The following UEVLD variants were observed in gnomAD, a reference collection of about 807,000 sequenced individuals.
UEVLD encodes ubiquitin-conjugating enzyme E2 variant 3.
In UEVLD, 47 loss-of-function variants were observed where a neutral mutation model predicts 58.6. That is an observed-to-expected ratio of 0.80 (90% confidence interval 0.63 to 1.02). The LOEUF (loss-of-function observed/expected upper bound fraction) is 1.02, where lower values mean the gene tolerates loss of function less well. Among genes scored for constraint, UEVLD ranks in the 50% least tolerant of loss-of-function variants. UEVLD has a pLI of 0.00. For missense variants in UEVLD, 510 were observed against 550.6 expected, an observed-to-expected ratio of 0.93 and a Z score of 0.74; for synonymous variants, 197 against 195.3, an observed-to-expected ratio of 1.01 and a Z score of -0.07.
chr11:18,583,849 C>T (rs1484793218), intron 1 of UEVLD, among the ~76,000 whole-genome samples: 3 of 151,374 alleles, frequency 2.0e-5, no homozygotes, highest in Admixed American at 6.6e-5. Flanking sequence ...TTGGTAGAGA[C>T]GAGGTTTCTC....
At chr11:18,586,319 A>C (rs1220582783) in intron 1 of UEVLD, among the ~76,000 whole-genome samples, 1 of 152,082 alleles carries the variant, frequency 6.6e-6, no homozygotes, top group Non-Finnish European at 1.5e-5. Flanking sequence ...GGTTCAAGTG[A>C]TTCTCCTGCT....
intron 8 of UEVLD, 26 bp from the exon 9 acceptor site, chr11:18,544,822 A>C: frequency 1.3e-6 from 2 of 1,491,954 alleles, no homozygotes; most frequent in Non-Finnish European, 1.8e-6. Context: ...AAGGTAAAAA[A>C]TGTAAAGGTT....
At chr11:18,584,310 G>C (rs1307127377) in intron 1 of UEVLD, among the ~76,000 whole-genome samples, 4 of 152,130 alleles carry the variant, frequency 2.6e-5, no homozygotes, top group Non-Finnish European at 4.4e-5. Flanking sequence ...TTGAGCCCAA[G>C]AGTTTGAGGC....
chr11:18,571,627 C>T (rs1364609450), intron 3 of UEVLD, among the ~76,000 whole-genome samples: 1 of 152,174 alleles, frequency 6.6e-6, no homozygotes, highest in Non-Finnish European at 1.5e-5. Flanking sequence ...GAACTCCTGG[C>T]ACAAAGTCCT....
chr11:18,568,836 A>G (rs1361436926), intron 4 of UEVLD, among the ~76,000 whole-genome samples: 1 of 152,094 alleles, frequency 6.6e-6, no homozygotes, highest in African/African-American at 2.4e-5. Flanking sequence ...CTTTACTCCA[A>G]CCTCACTGGA....
chr11:18,569,628 T>C (rs34585786), intron 4 of UEVLD, among the ~76,000 whole-genome samples: 72,073 of 151,702 alleles, frequency 0.48, 17,525 homozygotes, highest in Non-Finnish European at 0.55. Flanking sequence ...CAGGTAACCA[T>C]TAAAAACCAT....
At chr11:18,585,556 C>T (rs1853504630) in intron 1 of UEVLD, among the ~76,000 whole-genome samples, 1 of 152,162 alleles carries the variant, frequency 6.6e-6, no homozygotes. Context: ...ACCAATGCCA[C>T]ACTAAATTTT....
chr11:18,537,966 C>G (rs748931038), intron 9 of UEVLD, among the ~76,000 whole-genome samples: 1 of 152,154 alleles, frequency 6.6e-6, no homozygotes, highest in Non-Finnish European at 1.5e-5. Flanking sequence ...CCGAACTGCA[C>G]TTTAATATTA....
intron 1 of UEVLD, among the ~76,000 whole-genome samples, chr11:18,586,445 G>A (rs941638384): frequency 2.6e-5 from 4 of 152,088 alleles, no homozygotes; most frequent in Admixed American, 6.6e-5. Flanking sequence ...TCGAACTCCT[G>A]GCCGCAGGTG....
At chr11:18,580,779 C>G (rs1853199339) in intron 1 of UEVLD, among the ~76,000 whole-genome samples, 1 of 151,894 alleles carries the variant, frequency 6.6e-6, no homozygotes, top group Non-Finnish European at 1.5e-5. Context: ...TAGTGGAAAC[C>G]TAGGATTGTG....
chr11:18,550,506 A>G (rs1851479457), intron 7 of UEVLD, among the ~76,000 whole-genome samples: 1 of 151,758 alleles, frequency 6.6e-6, no homozygotes, highest in Admixed American at 6.6e-5. Flanking sequence ...TCATCTTTCC[A>G]CCTCCAAGAT....
chr11:18,551,675 C>G (rs1851536138), intron 7 of UEVLD, among the ~76,000 whole-genome samples: 1 of 152,118 alleles, frequency 6.6e-6, no homozygotes, highest in African/African-American at 2.4e-5. Context: ...GCTAAGTTTC[C>G]TCCCATGCCA....
In UEVLD at chr11:18,532,432, G is replaced by T. The variant is rs373226564; in HGVS notation, c.1304C>A (p.Thr435Asn). 1.9e-6 allele frequency: 3 copies of T among 1,612,974 alleles called. No homozygotes were observed. The highest frequency in any genetic ancestry group is 2.2e-5 in the South Asian group (2 of 90,932). The change falls in exon 12 of 12, where the codon ACC becomes AAC. Residue 435 changes from threonine (T) to asparagine (N), a missense_variant. Transcript: ENST00000396197. ...TTTGATAACTTCAGATACTCCATTG[G>T]TTCCAAGGATGCAAGGCAAACTTAA... The part of the protein sequence containing the change: ...VFLSLPCILG[T>N]NGVSEVIKTT...
rs1319368118 is a variant in UEVLD at position 18,532,416 on chromosome 11, T to C, written c.1320A>G (p.Glu440=). The change falls in exon 12 of 12, where the codon GAA becomes GAG. Residue 440 remains glutamate (E), a synonymous_variant. Transcript: ENST00000396197. Reference sequence around the variant, plus strand: ...CTTCTTTCAGTGTGGTTTTGATAACTTCAGATACTCCATTGGTTCCAAGGA... The same window carrying C: ...CTTCTTTCAGTGTGGTTTTGATAACCTCAGATACTCCATTGGTTCCAAGGA... ...PCILGTNGVS[E]VIKTTLKEDT... 6.2e-7 allele frequency: 1 copy of C among 1,613,656 alleles called. No homozygotes were observed. The highest frequency in any genetic ancestry group is 1.3e-5 in the African/African-American group (1 of 75,024).
chr11:18,549,952 G>C (rs910433597), intron 7 of UEVLD, among the ~76,000 whole-genome samples: 1 of 151,898 alleles, frequency 6.6e-6, no homozygotes, highest in Non-Finnish European at 1.5e-5. Flanking sequence ...CTCCCAAGTA[G>C]CTGGGATTAC....
intron 7 of UEVLD, among the ~76,000 whole-genome samples, chr11:18,555,558 A>G (rs778346491): frequency 2.6e-4 from 40 of 152,176 alleles, no homozygotes; most frequent in Non-Finnish European, 4.7e-4. Context: ...ACTGCCCTCC[A>G]TCCTGGGCAA....
intron 1 of UEVLD, among the ~76,000 whole-genome samples, chr11:18,586,957 A>T (rs1853596018): frequency 6.6e-6 from 1 of 152,132 alleles, no homozygotes; most frequent in Non-Finnish European, 1.5e-5. Context: ...GCTTGAACCC[A>T]GGAGGCGGAG....
intron 7 of UEVLD, among the ~76,000 whole-genome samples, chr11:18,550,822 C>T (rs147618717): frequency 2.0e-5 from 3 of 152,190 alleles, no homozygotes; most frequent in African/African-American, 7.2e-5. Flanking sequence ...AAATGCTAGG[C>T]TAGGTGCCTA....
chr11:18,565,957 T>A (rs1485044637), intron 5 of UEVLD, among the ~76,000 whole-genome samples: 1 of 150,154 alleles, frequency 6.7e-6, no homozygotes, highest in African/African-American at 2.4e-5. Flanking sequence ...GGAGTGCAGT[T>A]GTTCAATCTC....
Sources: gnomAD v4.1 joint callset for allele counts (sites outside exome capture counted in the v4.1 genomes callset) on GRCh38, gnomAD v4.1.1 for gene constraint, MANE v1.5 for transcripts, NCBI Gene and HGNC (gene_info 2026-07-23, HGNC 2026-07-21) for gene names.